The following OR6C75 variants were observed in gnomAD, a reference collection of about 807,000 sequenced individuals.
OR6C75 encodes olfactory receptor family 6 subfamily C member 75.
For synonymous variants in OR6C75, 149 were observed against 130.6 expected, an observed-to-expected ratio of 1.14 and a Z score of -0.96; for missense variants, 380 against 368.0, an observed-to-expected ratio of 1.03 and a Z score of -0.27.
Position 55,365,394 on chromosome 12 carries a change from G to C in OR6C75, c.284G>C (p.Cys95Ser). 2 of 1,614,066 alleles carry C rather than the reference G, an allele frequency of 1.2e-6. No homozygotes were observed. The highest frequency in any genetic ancestry group is 1.7e-6 in the Non-Finnish European group (2 of 1,179,998). ...AACAGAACCATTTCTTATAATGGGT[G>C]TGTGGCTCAGCTATTTTTTTTCATC... is the stretch of plus-strand genomic sequence containing the variant. Reference protein sequence around the residue: ...TGNRTISYNGCVAQLFFFIFL... With the variant: ...TGNRTISYNGSVAQLFFFIFL... Residue 95 changes from cysteine (C) to serine (S), a missense_variant, in exon 3 of 3, where the codon TGT becomes TCT. Physicochemically the swap from Cys to Ser is moderately radical, Grantham distance 112 (BLOSUM62 -1). Coordinates refer to ENST00000641576, the MANE Select transcript of OR6C75 (RefSeq NM_001005497.2).
In OR6C75 at chr12:55,369,118, A is replaced by ATAGG. The variant is rs1035751428; in HGVS notation, c.*3072_*3073insGTAG. ...GTATATATACATATACAACTACATG[A>ATAGG]TAGATAGATAGATAAAGAGAGATAG... On this transcript the variant is annotated 3_prime_UTR_variant, in exon 3 of 3. Transcript: ENST00000641576. 1 of 151,360 alleles carries ATAGG rather than the reference A, an allele frequency of 6.6e-6. No homozygotes were observed. The highest frequency in any genetic ancestry group is 2.4e-5 in the African/African-American group (1 of 41,280). The allele number at this position is 151,360 out of a possible 1,614,324, so 9.4% of individuals were successfully genotyped here.
chr12:55,365,480 A>G lies in OR6C75; in HGVS notation c.370A>G (p.Ile124Val). 10 of 1,614,028 alleles carry G rather than the reference A, an allele frequency of 6.2e-6. No individual in the cohort carries two copies. The highest frequency in any genetic ancestry group is 8.5e-6 in the Non-Finnish European group (10 of 1,179,988). The change falls in exon 3 of 3, where the codon ATC (isoleucine) becomes GTC (valine). Residue 124 changes from isoleucine (I) to valine (V), a missense_variant. Physicochemically the swap from Ile to Val is conservative, Grantham distance 29 (BLOSUM62 3). Transcript: ENST00000641576. ...AAMSYDRCMA[I>V]CKPLHYTIIM... Reference sequence around the variant, plus strand: ...CATGTCCTATGACCGCTGCATGGCCATCTGCAAACCTCTTCATTACACAAT... The same window carrying G: ...CATGTCCTATGACCGCTGCATGGCCGTCTGCAAACCTCTTCATTACACAAT...
In OR6C75 at chr12:55,365,092, T is replaced by A. The variant is rs1869762985; in HGVS notation, c.-19T>A. On this transcript the variant is annotated 5_prime_UTR_variant, in exon 3 of 3. Transcript: ENST00000641576. ...ATTTTACAGCGAAAATACAGAATAC[T>A]TTTCTAAAGAAAAAAATAATGAGAA... The A allele has an allele frequency of 2.6e-6, 4 of 1,559,340 alleles. No homozygotes were observed. Among genetic ancestry groups the A allele is most frequent in the Non-Finnish European group, 3.5e-6 (4 of 1,142,990 alleles).
Position 55,365,783 on chromosome 12 carries a change from A to T in OR6C75, c.673A>T (p.Lys225Ter), listed in dbSNP as rs1869786804. 1 of 1,613,910 alleles carries T rather than the reference A, an allele frequency of 6.2e-7. No individual in the cohort carries two copies. Among genetic ancestry groups the T allele is most frequent in the African/African-American group, 1.3e-5 (1 of 74,926 alleles). ...CACAAACATCATCCGGACAATTCTGAAAATTCCTTCTATGAGTCAAAGGAA... is the reference window on the plus strand; with the variant it reads ...CACAAACATCATCCGGACAATTCTGTAAATTCCTTCTATGAGTCAAAGGAA... ...SYTNIIRTIL[K>*]IPSMSQRKKA... The change falls in exon 3 of 3, where the codon AAA (lysine) becomes TAA (stop). Residue 225 changes from lysine to a stop codon, truncating the protein, a stop_gained. Transcript: ENST00000641576. LOFTEE classifies it low-confidence loss of function (END_TRUNC).
chr12:55,366,199 T>C lies in OR6C75; in HGVS notation c.*150T>C. ...TCAACACTTCTTAATGAAATTAGCC[T>C]AAAAACCAAGATTTAGCTCTTCTAA... On this transcript the variant is annotated 3_prime_UTR_variant, in exon 3 of 3. Coordinates refer to ENST00000641576, the MANE Select transcript of OR6C75 (RefSeq NM_001005497.2). 3.6e-6 allele frequency: 2 copies of C among 556,586 alleles called. No homozygotes were observed. Among genetic ancestry groups the C allele is most frequent in the South Asian group, 5.3e-5 (2 of 37,662 alleles). 34.5% of individuals were successfully genotyped at this position (556,586 alleles called of 1,614,324 possible). A position where few individuals can be genotyped will look rare whatever the true frequency, so the allele number is the denominator to read the frequency against.
chr12:55,365,554 T>A lies in OR6C75; in HGVS notation c.444T>A (p.Leu148=). Residue 148 remains leucine, a synonymous_variant, in exon 3 of 3, where the codon CTT becomes CTA. Coordinates refer to ENST00000641576, the MANE Select transcript of OR6C75 (RefSeq NM_001005497.2). ...CCCTTCTTGTCTTTAGCTCCTGGCT[T>A]GCAGGGTTTCTGATCATCTTTCCAC... The part of the protein sequence containing the change: ...VCTLLVFSSW[L]AGFLIIFPPV... The A allele has an allele frequency of 6.2e-7, 1 of 1,614,082 alleles. No homozygotes were observed. Among genetic ancestry groups the A allele is most frequent in the Non-Finnish European group, 8.5e-7 (1 of 1,180,006 alleles).
In OR6C75 at chr12:55,369,070, A is replaced by C. The variant is rs1420473046; in HGVS notation, c.*3021A>C. Reference sequence around the variant, plus strand: ...ATCAGGAGTGTGGAAACAACATGCAAACGTTAACTAAGTGAAGATAAAGTA... The same window carrying C: ...ATCAGGAGTGTGGAAACAACATGCACACGTTAACTAAGTGAAGATAAAGTA... On this transcript the variant is annotated 3_prime_UTR_variant, in exon 3 of 3. Transcript: ENST00000641576. 2.6e-5 allele frequency: 4 copies of C among 152,040 alleles called. No homozygotes were observed. Among genetic ancestry groups the C allele is most frequent in the Non-Finnish European group, 4.4e-5 (3 of 67,962 alleles). The allele number at this position is 152,040 out of a possible 1,614,324, so 9.4% of individuals were successfully genotyped here.
In OR6C75 at chr12:55,365,159, A is replaced by G; in HGVS notation, c.49A>G (p.Ser17Gly). 6.2e-7 allele frequency: 1 copy of G among 1,613,208 alleles called. No homozygotes were observed. ...AGACTTTATTCTTCTTGGATTGACA[A>G]GTGACCCACAGTGGCAGGTTGTACT... ...VTDFILLGLT[S>G]DPQWQVVLFI... Residue 17 changes from serine (S) to glycine (G), a missense_variant, in exon 3 of 3, where the codon AGT (serine) becomes GGT (glycine). Transcript: ENST00000641576.
chr12:55,365,347 C>T lies in OR6C75; in HGVS notation c.237C>T (p.Phe79=). The part of the protein sequence containing the change: ...ISFTSVCIPR[F]LVTVVTGNRT... ...TCACGTCTGTCTGCATTCCCAGATT[C>T]CTTGTCACTGTTGTGACAGGAAACA... The change falls in exon 3 of 3, where the codon TTC becomes TTT. Residue 79 remains phenylalanine (F), a synonymous_variant. Transcript: ENST00000641576. 2 of 1,613,912 alleles carry T rather than the reference C, an allele frequency of 1.2e-6. No homozygotes were observed. The highest frequency in any genetic ancestry group is 1.7e-6 in the Non-Finnish European group (2 of 1,179,836).
chr12:55,363,449 T>G (rs1292405955), intron 1 of OR6C75, among the ~76,000 whole-genome samples: 1 of 152,020 alleles, frequency 6.6e-6, no homozygotes, highest in Non-Finnish European at 1.5e-5. Context: ...GAAAAGATAA[T>G]GTAAAGAATA....
chr12:55,365,789 C>A lies in OR6C75; in HGVS notation c.679C>A (p.Pro227Thr). Residue 227 changes from proline to threonine, a missense_variant, in exon 3 of 3, where the codon CCT becomes ACT. Pro to Thr is a conservative substitution (Grantham distance 38). Transcript: ENST00000641576. ...TNIIRTILKI[P>T]SMSQRKKAFS... ...CATCATCCGGACAATTCTGAAAATT[C>A]CTTCTATGAGTCAAAGGAAAAAAGC... is the stretch of plus-strand genomic sequence containing the variant. The A allele has an allele frequency of 6.2e-7, 1 of 1,613,884 alleles. No homozygotes were observed. Among genetic ancestry groups the A allele is most frequent in the Non-Finnish European group, 8.5e-7 (1 of 1,179,990 alleles).
In OR6C75 at chr12:55,368,876, T is replaced by G. The variant is rs1869862825; in HGVS notation, c.*2827T>G. ...TGTTTTATGGAATGGCATACTTTTTTTTAAAACAGATTATAATATAATATC... is the reference window on the plus strand; with the variant it reads ...TGTTTTATGGAATGGCATACTTTTTGTTAAAACAGATTATAATATAATATC... On this transcript the variant is annotated 3_prime_UTR_variant, in exon 3 of 3. Transcript: ENST00000641576. 1 of 152,150 alleles carries G rather than the reference T, an allele frequency of 6.6e-6. No individual in the cohort carries two copies. Among genetic ancestry groups the G allele is most frequent in the Non-Finnish European group, 1.5e-5 (1 of 68,020 alleles). 9.4% of individuals were successfully genotyped at this position (152,150 alleles called of 1,614,324 possible). A position where few individuals can be genotyped will look rare whatever the true frequency, so the allele number is the denominator to read the frequency against.
rs1740282142 is a variant in OR6C75 at position 55,367,499 on chromosome 12, C to G, written c.*1450C>G. ...CAAACCACGCATTGAAGGAAAATAG[C>G]CCAAAATAATAACAGCCATCTGTGA... On this transcript the variant is annotated 3_prime_UTR_variant, in exon 3 of 3. Coordinates refer to ENST00000641576, the MANE Select transcript of OR6C75 (RefSeq NM_001005497.2). 1 of 152,022 alleles carries G rather than the reference C, an allele frequency of 6.6e-6. No individual in the cohort carries two copies. The highest frequency in any genetic ancestry group is 2.4e-5 in the African/African-American group (1 of 41,396). The allele number at this position is 152,022 out of a possible 1,614,324, so 9.4% of individuals were successfully genotyped here.
intron 2 of OR6C75, among the ~76,000 whole-genome samples, chr12:55,364,312 CTTTTTTTTTTTTTTTTTT>C (rs59247539): frequency 1.2e-4 from 2 of 17,164 alleles, no homozygotes; most frequent in Non-Finnish European, 2.6e-4. Context: ...GTTTCTTTTC[CTTTTTTTTTTTTTTTTTT>C]TTTTTTTTTT....
Position 55,365,795 on chromosome 12 carries a change from A to G in OR6C75, c.685A>G (p.Met229Val), listed in dbSNP as rs1424556127. 1 of 1,613,886 alleles carries G rather than the reference A, an allele frequency of 6.2e-7. No individual in the cohort carries two copies. The highest frequency in any genetic ancestry group is 1.1e-5 in the South Asian group (1 of 91,062). ...IIRTILKIPS[M>V]SQRKKAFSTC... ...CCGGACAATTCTGAAAATTCCTTCT[A>G]TGAGTCAAAGGAAAAAAGCCTTTTC... The change falls in exon 3 of 3, where the codon ATG becomes GTG. Residue 229 changes from methionine to valine, a missense_variant. Met to Val is a conservative substitution (Grantham distance 21). Coordinates refer to ENST00000641576, the MANE Select transcript of OR6C75 (RefSeq NM_001005497.2).
chr12:55,365,597 C>A lies in OR6C75; in HGVS notation c.487C>A (p.Gln163Lys), dbSNP rs751099609. 6.2e-7 allele frequency: 1 copy of A among 1,614,022 alleles called. No homozygotes were observed. The highest frequency in any genetic ancestry group is 1.7e-5 in the Admixed American group (1 of 59,990). ...IIFPPVMLLLQLDFCASNVID... is the reference protein window; with the variant it reads ...IIFPPVMLLLKLDFCASNVID... ...CTTTCCACCAGTAATGCTTCTGCTG[C>A]AGTTGGATTTCTGTGCCTCCAATGT... The change falls in exon 3 of 3, where the codon CAG becomes AAG. Residue 163 changes from glutamine (Q) to lysine (K), a missense_variant. Transcript: ENST00000641576.
Position 55,365,217 on chromosome 12 carries a change from G to C in OR6C75, c.107G>C (p.Ser36Thr), listed in dbSNP as rs749003280. 2 of 1,612,466 alleles carry C rather than the reference G, an allele frequency of 1.2e-6. No individual in the cohort carries two copies. Among genetic ancestry groups the C allele is most frequent in the African/African-American group, 2.7e-5 (2 of 74,776 alleles). Residue 36 changes from serine to threonine, a missense_variant, in exon 3 of 3, where the codon AGT (serine) becomes ACT (threonine). By Grantham distance (58) the Ser-to-Thr change is moderately conservative. Coordinates refer to ENST00000641576, the MANE Select transcript of OR6C75 (RefSeq NM_001005497.2). The stretch of plus-strand genomic sequence containing the variant: ...TTTCTTCTTGTTACCTACATGTTAA[G>C]TGTGACTGGGAACCTGATCATTATC... ...FIFLLVTYMLSVTGNLIIITL... is the reference protein window; with the variant it reads ...FIFLLVTYMLTVTGNLIIITL...
chr12:55,365,574 T>C lies in OR6C75; in HGVS notation c.464T>C (p.Phe155Ser). Residue 155 changes from phenylalanine to serine, a missense_variant, in exon 3 of 3, where the codon TTT becomes TCT. By Grantham distance (155) the Phe-to-Ser change is radical. Transcript: ENST00000641576. ...TGGCTTGCAGGGTTTCTGATCATCTTTCCACCAGTAATGCTTCTGCTGCAG... is the reference window on the plus strand; with the variant it reads ...TGGCTTGCAGGGTTTCTGATCATCTCTCCACCAGTAATGCTTCTGCTGCAG... The part of the protein sequence containing the change: ...SSWLAGFLII[F>S]PPVMLLLQLD... 6.2e-7 allele frequency: 1 copy of C among 1,614,070 alleles called. No homozygotes were observed. The highest frequency in any genetic ancestry group is 8.5e-7 in the Non-Finnish European group (1 of 1,180,000).
At position 55,366,129 on chromosome 12, in the gene OR6C75, T is replaced by A; in HGVS notation, c.*80T>A. ...TACCCTTCTCTACATGAACTCTTTC[T>A]AAACACCTTATTTCACACTTTTAGT... On this transcript the variant is annotated 3_prime_UTR_variant, in exon 3 of 3. Coordinates refer to ENST00000641576, the MANE Select transcript of OR6C75 (RefSeq NM_001005497.2). The A allele has an allele frequency of 2.6e-6, 2 of 777,540 alleles. No individual in the cohort carries two copies. The highest frequency in any genetic ancestry group is 4.1e-6 in the Non-Finnish European group (2 of 493,228). 48.2% of individuals were successfully genotyped at this position (777,540 alleles called of 1,614,324 possible). A position where few individuals can be genotyped will look rare whatever the true frequency, so the allele number is the denominator to read the frequency against.
Sources: allele counts gnomAD v4.1 joint callset (sites outside exome capture counted in the v4.1 genomes callset), GRCh38; gene constraint gnomAD v4.1.1; transcripts MANE v1.5; gene names NCBI Gene and HGNC (gene_info 2026-07-23, HGNC 2026-07-21).